Variants in LOXL3 observed in about 807,000 individuals in gnomAD.
The protein encoded by LOXL3 is lysyl oxidase homolog 3.
In LOXL3, 60 loss-of-function variants were observed where a neutral mutation model predicts 91.8. The ratio of observed to expected loss-of-function variants is 0.65; its 90% CI spans 0.53 to 0.81. The LOEUF is 0.81. LOXL3 is among the 30% of genes least tolerant of loss of function. The probability of loss-of-function intolerance (pLI) is 0.00; values close to 1 mark genes in which losing one functional copy is unlikely to be tolerated. For missense variants in LOXL3, 874 were observed against 1,000.4 expected, an observed-to-expected ratio of 0.87 and a Z score of 1.70; for synonymous variants, 355 against 387.6, an observed-to-expected ratio of 0.92 and a Z score of 0.99.
intron 2 of LOXL3, among the ~76,000 whole-genome samples, chr2:74,551,057 C>G (rs1329440128): frequency 6.6e-6 from 1 of 152,106 alleles, no homozygotes; most frequent in Non-Finnish European, 1.5e-5. Context: ...CTTAGCCTCC[C>G]AAGTAGCTGG....
In LOXL3 at chr2:74,536,427, C is replaced by G. The variant is rs530882170; in HGVS notation, c.957G>C (p.Arg319=). ...LKGGAHPGEG[R]VEVLKASTWG... is the part of the protein sequence containing the mutation. ...ATGTGCTGGCCTTCAGGACTTCTAC[C>G]CGGCCCTCTCCAGGGTGGGCGCCGC... Residue 319 remains arginine, a synonymous_variant, in exon 6 of 14, where the codon CGG becomes CGC. Transcript: ENST00000264094. This position sits in a 1 kb window ranked among gnomAD's most constrained non-coding sequence, Gnocchi z 4.5. 3.1e-6 allele frequency: 5 copies of G among 1,614,140 alleles called. No individual in the cohort carries two copies. Among genetic ancestry groups the G allele is most frequent in the Admixed American group, 3.3e-5 (2 of 60,018 alleles).
intron 9 of LOXL3, 146 bp from the exon 10 acceptor site, chr2:74,534,920 C>T (rs1035975788): frequency 6.0e-6 from 6 of 998,746 alleles, no homozygotes; most frequent in South Asian, 1.7e-5. Context: ...ACTCTGTTGC[C>T]GAGGCTGGAA....
rs139468475 is a variant in LOXL3, at chr2:74,536,824, T to C, written c.797A>G (p.Asn266Ser). ...CCCCCCAGGGCACCTGGCGGTGTCA[T>C]TGGCACGATAGAACTCCAGGGAACA... ...SLCSLEFYRANDTARCPGGGP... is the reference protein window; with the variant it reads ...SLCSLEFYRASDTARCPGGGP... Residue 266 changes from asparagine (N) to serine (S), a missense_variant, in exon 5 of 14, where the codon AAT (asparagine) becomes AGT (serine). By Grantham distance (46) the Asn-to-Ser change is conservative. Transcript: ENST00000264094. The surrounding 1 kb of genome is among the most constrained non-coding windows in gnomAD (Gnocchi z 4.5). 150 of 1,614,204 alleles carry C rather than the reference T, an allele frequency of 9.3e-5. No homozygotes were observed. The South Asian group carries it at 1.3e-3, about 14-fold the overall frequency.
intron 4 of LOXL3, among the ~76,000 whole-genome samples, chr2:74,538,503 T>A (rs1213997463): frequency 6.6e-6 from 1 of 152,220 alleles, no homozygotes; most frequent in Non-Finnish European, 1.5e-5. Context: ...GCAAACTGCC[T>A]TTTGAAGACA....
At position 74,535,191 on chromosome 2, in the gene LOXL3, A is replaced by C. The variant is rs919748528; in HGVS notation, c.1579+101T>G. 6 of 1,368,450 alleles carry C rather than the reference A, an allele frequency of 4.4e-6. No individual in the cohort carries two copies. Among genetic ancestry groups the C allele is most frequent in the Non-Finnish European group, 5.9e-6 (6 of 1,011,274 alleles). The allele number at this position is 1,368,450 out of a possible 1,614,324, so 84.8% of individuals were successfully genotyped here. On this transcript the variant is annotated intron_variant, in intron 9 of 13. Transcript: ENST00000264094. This position sits in a 1 kb window ranked among gnomAD's most constrained non-coding sequence, Gnocchi z 4.2. ...TGCACCCGGCGAAACTGGCTCTTTT[A>C]TGGGGAAGAAGTGCCCCTCCAGATT...
upstream of LOXL3, chr2:74,554,899 T>G: frequency 6.3e-7 from 1 of 1,581,440 alleles, no homozygotes; most frequent in Non-Finnish European, 8.6e-7. The surrounding 1 kb of genome is among the most constrained non-coding windows in gnomAD (Gnocchi z 4.9). Context: ...GGCAGCGGGC[T>G]GGAGAGCGGC....
In LOXL3 at chr2:74,536,801, C is replaced by A; in HGVS notation, c.820G>T (p.Gly274Trp). ...ACACAGCTCACCACTGCAGGGCCCCCCCCAGGGCACCTGGCGGTGTCATTG... is the reference window on the plus strand; with the variant it reads ...ACACAGCTCACCACTGCAGGGCCCCACCCAGGGCACCTGGCGGTGTCATTG... ...RANDTARCPG[G>W]GPAVVSCVPG... The change falls in exon 5 of 14, where the codon GGG becomes TGG. Residue 274 changes from glycine to tryptophan, a missense_variant. By Grantham distance (184) the Gly-to-Trp change is radical. Coordinates refer to ENST00000264094, the MANE Select transcript of LOXL3 (RefSeq NM_032603.5). The surrounding 1 kb of genome is among the most constrained non-coding windows in gnomAD (Gnocchi z 4.5). 2 of 1,614,246 alleles carry A rather than the reference C, an allele frequency of 1.2e-6. No individual in the cohort carries two copies. The highest frequency in any genetic ancestry group is 1.7e-6 in the Non-Finnish European group (2 of 1,180,038).
chr2:74,554,589 T>G (rs984576205), upstream of LOXL3: 2 of 635,800 alleles, frequency 3.1e-6, no homozygotes, highest in South Asian at 2.0e-5. The surrounding 1 kb of genome is among the most constrained non-coding windows in gnomAD (Gnocchi z 4.9). Flanking sequence ...AATCCGGGGG[T>G]CTCCACCATT....
upstream of LOXL3, chr2:74,553,958 A>G (rs1677199225): frequency 6.7e-6 from 1 of 149,648 alleles, no homozygotes; most frequent in Non-Finnish European, 1.5e-5. Context: ...AAAAAAAAAA[A>G]TGCTCGGCCA....
Position 74,535,656 on chromosome 2 carries a change from A to T in LOXL3, c.1348T>A (p.Trp450Arg), listed in dbSNP as rs1483621185. Reference sequence around the variant, plus strand: ...GCCACCATGGCCTCCAGGGTCCCCCAGTCATCCCCACAGATGAGGCCCCAG... The same window carrying T: ...GCCACCATGGCCTCCAGGGTCCCCCTGTCATCCCCACAGATGAGGCCCCAG... ...LRWGLICGDD[W>R]GTLEAMVACR... Residue 450 changes from tryptophan (W) to arginine (R), a missense_variant, in exon 8 of 14, where the codon TGG (tryptophan) becomes AGG (arginine). Trp to Arg is a moderately radical substitution (Grantham distance 101, BLOSUM62 -3). Coordinates refer to ENST00000264094, the MANE Select transcript of LOXL3 (RefSeq NM_032603.5). The surrounding 1 kb of genome is among the most constrained non-coding windows in gnomAD (Gnocchi z 4.2). The T allele has an allele frequency of 6.2e-7, 1 of 1,613,604 alleles. No individual in the cohort carries two copies. The highest frequency in any genetic ancestry group is 8.5e-7 in the Non-Finnish European group (1 of 1,179,908).
rs1553396476 is a variant in LOXL3 at position 74,534,699 on chromosome 2, A to G, written c.1655T>C (p.Leu552Ser). 2 of 1,614,060 alleles carry G rather than the reference A, an allele frequency of 1.2e-6. No homozygotes were observed. Among genetic ancestry groups the G allele is most frequent in the Non-Finnish European group, 1.7e-6 (2 of 1,180,034 alleles). Residue 552 changes from leucine to serine, a missense_variant, in exon 10 of 14, where the codon TTG becomes TCG. Coordinates refer to ENST00000264094, the MANE Select transcript of LOXL3 (RefSeq NM_032603.5). ...AYIEDRPLHMLYCAAEENCLA... is the reference protein window; with the variant it reads ...AYIEDRPLHMSYCAAEENCLA... The stretch of plus-strand genomic sequence containing the variant: ...GCAGTTCTCTTCCGCAGCACAGTAC[A>G]ACATATGCAGGGGCCGGTCTTCGAT...
intron 4 of LOXL3, among the ~76,000 whole-genome samples, chr2:74,541,643 A>G (rs768464110): frequency 6.6e-6 from 1 of 152,186 alleles, no homozygotes; most frequent in Admixed American, 6.5e-5. Context: ...CTCTTCACCA[A>G]TCAACCTGGA....
Position 74,536,211 on chromosome 2 carries a change from A to T in LOXL3, c.1094-61T>A, listed in dbSNP as rs1051085807. On this transcript the variant is annotated intron_variant, in intron 6 of 13. Transcript: ENST00000264094. The surrounding 1 kb of genome is among the most constrained non-coding windows in gnomAD (Gnocchi z 4.5). ...TAAGCATATATTGTCTGCCCAGGGGACACCTAACCTTCCGAAGGAATATGC... is the reference window on the plus strand; with the variant it reads ...TAAGCATATATTGTCTGCCCAGGGGTCACCTAACCTTCCGAAGGAATATGC... 94 of 1,611,560 alleles carry T rather than the reference A, an allele frequency of 5.8e-5. No homozygotes were observed. The Middle Eastern group carries it at 1.6e-3, about 28-fold the overall frequency.
intron 4 of LOXL3, among the ~76,000 whole-genome samples, chr2:74,548,674 T>G (rs572638739): frequency 1.3e-4 from 20 of 152,014 alleles, no homozygotes; most frequent in African/African-American, 4.8e-4. Context: ...AAGATCAAAG[T>G]AGATGTTCCA....
chr2:74,551,356 G>A (rs552654500), intron 2 of LOXL3, among the ~76,000 whole-genome samples: 1 of 152,310 alleles, frequency 6.6e-6, no homozygotes, highest in African/African-American at 2.4e-5. Flanking sequence ...CAGTTGTTGC[G>A]GAGACACCTA....
At chr2:74,551,902 C>A (rs1677040912) in intron 2 of LOXL3, among the ~76,000 whole-genome samples, 1 of 152,264 alleles carries the variant, frequency 6.6e-6, no homozygotes, top group South Asian at 2.1e-4. Context: ...TGGCCCATAA[C>A]CTGATTTTGT....
At position 74,532,657 on chromosome 2, in the gene LOXL3, C is replaced by T; in HGVS notation, c.*949G>A. 6.2e-7 allele frequency: 1 copy of T among 1,613,688 alleles called. No individual in the cohort carries two copies. The highest frequency in any genetic ancestry group is 8.5e-7 in the Non-Finnish European group (1 of 1,180,026). ...CTACAGCTTCGAGAACCAAGCTTTC[C>T]CGATGTTCAGCATGGTGTACTCATC... On this transcript the variant is annotated 3_prime_UTR_variant, in exon 14 of 14. Transcript: ENST00000264094.
Position 74,535,859 on chromosome 2 carries a change from G to A in LOXL3, c.1249-104C>T. The A allele has an allele frequency of 6.8e-7, 1 of 1,479,718 alleles. No individual in the cohort carries two copies. The highest frequency in any genetic ancestry group is 9.0e-7 in the Non-Finnish European group (1 of 1,109,494). The allele number at this position is 1,479,718 out of a possible 1,614,324, so 91.7% of individuals were successfully genotyped here. A position where few individuals can be genotyped will look rare whatever the true frequency, so the allele number is the denominator to read the frequency against. ...CGTGACTCAGGCACATAATGGGCTA[G>A]CAAGTGATGGGTCAGGTGGGAGCTG... On this transcript the variant is annotated intron_variant, in intron 7 of 13. Coordinates refer to ENST00000264094, the MANE Select transcript of LOXL3 (RefSeq NM_032603.5). This position sits in a 1 kb window ranked among gnomAD's most constrained non-coding sequence, Gnocchi z 4.2.
chr2:74,552,673 G>C (rs372837797), intron 1 of LOXL3, 27 bp from the exon 2 acceptor site: 13 of 1,482,978 alleles, frequency 8.8e-6, no homozygotes, highest in South Asian at 2.6e-5. Context: ...CAAAGTGTGC[G>C]TGAGAGAAAC....
Sources: allele counts gnomAD v4.1 joint callset (sites outside exome capture counted in the v4.1 genomes callset), GRCh38; gene constraint gnomAD v4.1.1; non-coding constraint Gnocchi (gnomAD v3.1); transcripts MANE v1.5; gene names NCBI Gene and HGNC (gene_info 2026-07-23, HGNC 2026-07-21).